IFI16: variants seen among roughly 807,000 people sequenced by gnomAD.
IFI16 encodes gamma-interferon-inducible protein 16.
A neutral mutation model predicts 68.4 loss-of-function variants in IFI16; 49 were observed. The observed-to-expected ratio is 0.72, with a 90% CI of 0.57 to 0.91. The LOEUF (loss-of-function observed/expected upper bound fraction) is 0.91. IFI16 is among the 40% of genes least tolerant of loss of function. IFI16 has a pLI of 0.00. For synonymous variants in IFI16, 307 were observed against 315.0 expected (o/e 0.97, Z 0.27); for missense variants, 878 against 942.9 (o/e 0.93, Z 0.90).
At position 159,049,664 on chromosome 1, in the gene IFI16, C is replaced by T. The variant is rs115888957; in HGVS notation, c.1665+65C>T. On this transcript the variant is annotated intron_variant, in intron 9 of 11. Coordinates refer to ENST00000295809, the MANE Select transcript of IFI16 (RefSeq NM_001376587.1). Reference sequence around the variant, plus strand: ...ATATAATGACAAGGATTAACACAACCGTGAAAGCACCTCACCAATCCCCTA... The same window carrying T: ...ATATAATGACAAGGATTAACACAACTGTGAAAGCACCTCACCAATCCCCTA... 1.2e-3 allele frequency: 1,954 copies of T among 1,594,012 alleles called. 26 individuals carry two copies. In the African/African-American group the frequency reaches 0.022, roughly 18 times the overall value.
Position 159,045,468 on chromosome 1 carries a change from C to T in IFI16, c.1497+4C>T. 2 of 1,603,138 alleles carry T rather than the reference C, an allele frequency of 1.2e-6. No homozygotes were observed. Among genetic ancestry groups the T allele is most frequent in the Non-Finnish European group, 8.5e-7 (1 of 1,173,420 alleles). Reference sequence around the variant, plus strand: ...AAGCAGCAGTTTCTTAACCACGGTACAAGTTCCCTCTTCCCAATACATTCC... The same window carrying T: ...AAGCAGCAGTTTCTTAACCACGGTATAAGTTCCCTCTTCCCAATACATTCC... On this transcript the variant is annotated splice_donor_region_variant and intron_variant, in intron 8 of 11. Coordinates refer to ENST00000295809, the MANE Select transcript of IFI16 (RefSeq NM_001376587.1).
At chr1:159,006,848 A>G (rs1001573257), upstream of IFI16, among the ~76,000 whole-genome samples, 13 of 152,208 alleles carry the variant, frequency 8.5e-5, no homozygotes, top group African/African-American at 3.1e-4. Context: ...CAAAAAGACC[A>G]AGGCGATAGG....
chr1:159,011,068 C>T (rs943078785), intron 1 of IFI16, among the ~76,000 whole-genome samples: 4 of 152,118 alleles, frequency 2.6e-5, no homozygotes, highest in Non-Finnish European at 5.9e-5. Flanking sequence ...GAAGCATAAA[C>T]TGAAATCTCC....
At position 159,048,472 on chromosome 1, in the gene IFI16, T is replaced by C. The variant is rs576962905; in HGVS notation, c.1498-960T>C. 9.2e-5 allele frequency among the ~76,000 whole-genome samples: 14 copies of C among 151,654 alleles called. 1 individual carries two copies. The highest frequency in any genetic ancestry group is 3.1e-4 in the African/African-American group (13 of 41,456). On this transcript the variant is annotated intron_variant, in intron 8 of 11. Coordinates refer to ENST00000295809, the MANE Select transcript of IFI16 (RefSeq NM_001376587.1). ...TTAAAATGTGAACCTTTAATGAGCA[T>C]AGACTGAATCCACAGTAGGTGTGCA...
intron 7 of IFI16, 128 bp downstream of exon 7, chr1:159,032,819 C>A: frequency 1.3e-6 from 1 of 771,294 alleles, no homozygotes; most frequent in Non-Finnish European, 2.0e-6. Context: ...GAAATTATGT[C>A]ACTCAATCAT....
At chr1:159,019,553 G>C (rs1222390521) in intron 5 of IFI16, among the ~76,000 whole-genome samples, 1 of 151,966 alleles carries the variant, frequency 6.6e-6, no homozygotes, top group Admixed American at 6.5e-5. Context: ...TCGCCTCCTG[G>C]GTTCAGGCGA....
chr1:159,012,486 T>G (rs555393571), intron 1 of IFI16, among the ~76,000 whole-genome samples: 9 of 152,184 alleles, frequency 5.9e-5, no homozygotes, highest in Admixed American at 1.3e-4. Context: ...TTCAGTGAAA[T>G]AAAGATTATA....
chr1:159,053,808 AG>A, intron 11 of IFI16, 84 bp downstream of exon 11: 2 of 1,027,266 alleles, frequency 1.9e-6, no homozygotes, highest in Non-Finnish European at 2.9e-6. Flanking sequence ...CTACTATTAC[AG>A]AGAGTCTAGC....
intron 4 of IFI16, among the ~76,000 whole-genome samples, chr1:159,017,463 T>G (rs908897268): frequency 6.6e-6 from 1 of 152,132 alleles, no homozygotes; most frequent in Non-Finnish European, 1.5e-5. Flanking sequence ...TTTTCATTTT[T>G]TTTTTATTTT....
intron 4 of IFI16, among the ~76,000 whole-genome samples, chr1:159,017,422 CTT>C (rs1253579643): frequency 1.3e-5 from 2 of 151,336 alleles, no homozygotes; most frequent in East Asian, 1.9e-4. Context: ...ACTGAACACT[CTT>C]TGTGTCTATA....
Position 159,053,561 on chromosome 1 carries a change from A to T in IFI16, c.2114A>T (p.Tyr705Phe). 2.5e-6 allele frequency: 4 copies of T among 1,610,366 alleles called. No individual in the cohort carries two copies. The highest frequency in any genetic ancestry group is 3.4e-6 in the Non-Finnish European group (4 of 1,177,568). The change falls in exon 11 of 12, where the codon TAT (tyrosine) becomes TTT (phenylalanine). Residue 705 changes from tyrosine (Y) to phenylalanine (F), a missense_variant. By Grantham distance (22) the Tyr-to-Phe change is conservative. Around this residue, in one of 4 missense-constraint regions of IFI16, gnomAD observed 311 missense variants for 305.1 expected, o/e 1.02. Transcript: ENST00000295809. The stretch of plus-strand genomic sequence containing the variant: ...AATGTAAGGGGTGAATTCACTTATT[A>T]TGAAATACAAGATAATACAGGGAAG... ...KKNVRGEFTY[Y>F]EIQDNTGKME... is the part of the protein sequence containing the mutation.
rs762091948 is a variant in IFI16 at position 159,052,008 on chromosome 1, G to A, written c.1995G>A (p.Leu665=). 5 of 1,613,922 alleles carry A rather than the reference G, an allele frequency of 3.1e-6. No homozygotes were observed. In the Admixed American group the frequency reaches 8.3e-5, roughly 27 times the overall value. Reference sequence around the variant, plus strand: ...GAAACATGGAGATCCCAAAAGGATTGATTAGAAGTGCCAGCGTAACTCCTA... The same window carrying A: ...GAAACATGGAGATCCCAAAAGGATTAATTAGAAGTGCCAGCGTAACTCCTA... ...ADRNMEIPKG[L]IRSASVTPKI... is the part of the protein sequence containing the mutation. Residue 665 remains leucine (L), a synonymous_variant, in exon 10 of 12, where the codon TTG becomes TTA. Transcript: ENST00000295809.
intron 6 of IFI16, among the ~76,000 whole-genome samples, chr1:159,022,979 G>C (rs1324213652): frequency 6.6e-6 from 1 of 152,068 alleles, no homozygotes; most frequent in Non-Finnish European, 1.5e-5. Flanking sequence ...ATAGGGTGGA[G>C]GAGAATTAGG....
At chr1:159,007,770 A>G (rs1277294605), upstream of IFI16, among the ~76,000 whole-genome samples, 2 of 152,310 alleles carry the variant, frequency 1.3e-5, no homozygotes, top group African/African-American at 2.4e-5. Context: ...CAAGCCAGGA[A>G]GAGGGCTCAT....
intron 8 of IFI16, among the ~76,000 whole-genome samples, chr1:159,047,902 G>T (rs1398781404): frequency 3.3e-5 from 5 of 150,586 alleles, no homozygotes; most frequent in Non-Finnish European, 7.4e-5. Context: ...GGTGGAGGAG[G>T]ATTTATTCTG....
chr1:159,049,232 T>C (rs1226764706), intron 8 of IFI16, among the ~76,000 whole-genome samples, 200 bp from the exon 9 acceptor site: 2 of 147,876 alleles, frequency 1.4e-5, no homozygotes, highest in Non-Finnish European at 3.0e-5. Context: ...TCTGAGTTTT[T>C]AATCCTGACT....
chr1:159,031,393 G>A (rs76607461), intron 6 of IFI16, among the ~76,000 whole-genome samples: 29 of 152,324 alleles, frequency 1.9e-4, no homozygotes, highest in Non-Finnish European at 3.8e-4. Flanking sequence ...AACTTCAGCT[G>A]GAAGTTTTCT....
chr1:159,033,420 A>G (rs1337578943), intron 7 of IFI16, among the ~76,000 whole-genome samples: 2 of 152,200 alleles, frequency 1.3e-5, no homozygotes, highest in Admixed American at 1.3e-4. Context: ...CAAACCTACA[A>G]ATTCAGCTTA....
chr1:159,001,410 CT>C (rs1029076277), upstream of IFI16, among the ~76,000 whole-genome samples: 5 of 152,156 alleles, frequency 3.3e-5, no homozygotes, highest in Non-Finnish European at 5.9e-5. Flanking sequence ...TGAGTTATTA[CT>C]TTTAATATGA....
Sources: gnomAD v4.1 joint callset for allele counts (sites outside exome capture counted in the v4.1 genomes callset) on GRCh38, gnomAD v4.1.1 for gene constraint, gnomAD v4.1.1 regional missense constraint, MANE v1.5 for transcripts, NCBI Gene and HGNC (gene_info 2026-07-23, HGNC 2026-07-21) for gene names.